Variants in ZSCAN5A observed in about 807,000 individuals in gnomAD.
ZSCAN5A encodes the protein zinc finger and SCAN domain-containing protein 5A.
A neutral mutation model predicts 23.7 loss-of-function variants in ZSCAN5A; 12 were observed. That is an observed-to-expected ratio of 0.51 (90% CI 0.32 to 0.82). The LOEUF (loss-of-function observed/expected upper bound fraction) is 0.82, where lower values mean the gene tolerates loss of function less well. Among genes scored for constraint, ZSCAN5A ranks in the 40% least tolerant of loss-of-function variants. The probability of loss-of-function intolerance (pLI) is 0.03; values close to 1 mark genes in which losing one functional copy is unlikely to be tolerated. For missense variants in ZSCAN5A, 597 were observed against 617.9 expected (o/e 0.97, Z 0.36); for synonymous variants, 257 against 239.9 (o/e 1.07, Z -0.66).
chr19:56,238,409 G>A (rs1044667344), intron 2 of ZSCAN5A, among the ~76,000 whole-genome samples: 3 of 152,110 alleles, frequency 2.0e-5, no homozygotes, highest in East Asian at 1.9e-4. Flanking sequence ...CCAAGGACAG[G>A]TAGAGGCCAG....
chr19:56,242,279 G>A (rs1317038323), intron 2 of ZSCAN5A, among the ~76,000 whole-genome samples: 12 of 152,178 alleles, frequency 7.9e-5, no homozygotes, highest in Admixed American at 2.0e-4. Context: ...TGTCCCTGAT[G>A]ATGAGTGATG....
chr19:56,246,877 T>G lies in ZSCAN5A; in HGVS notation c.-127-21704A>C, dbSNP rs59111246. 295 of 1,610,254 alleles carry G rather than the reference T, an allele frequency of 1.8e-4. 1 individual carries two copies. The highest frequency in any genetic ancestry group is 1.5e-3 in the African/African-American group (116 of 74,904). On this transcript the variant is annotated intron_variant, in intron 2 of 5. Coordinates refer to ENST00000683990, the MANE Select transcript of ZSCAN5A (RefSeq NM_001322064.3). ...CAGAGGAGACGCTCTGAATCTGAGA[T>G]GTCCCAAAAGAAGCAAACCAGACGC... is the stretch of plus-strand genomic sequence containing the variant.
chr19:56,267,636 G>C (rs968164679), intron 2 of ZSCAN5A, among the ~76,000 whole-genome samples: 1 of 152,172 alleles, frequency 6.6e-6, no homozygotes, highest in Non-Finnish European at 1.5e-5. Context: ...TACTGGACAG[G>C]GCTGGTTTAG....
chr19:56,344,930 A>G (rs1180429929), intron 2 of ZSCAN5A, among the ~76,000 whole-genome samples: 11 of 144,960 alleles, frequency 7.6e-5, no homozygotes, highest in South Asian at 2.3e-4. Context: ...AAAAAAAAAA[A>G]AAAAAGAAAA....
At chr19:56,344,620 AC>A (rs1460728265) in intron 2 of ZSCAN5A, among the ~76,000 whole-genome samples, 5 of 151,900 alleles carry the variant, frequency 3.3e-5, no homozygotes, top group South Asian at 4.2e-4. Flanking sequence ...AAAAAAAGAT[AC>A]GGCCGGGCGC....
chr19:56,329,297 C>A (rs1038686459), intron 2 of ZSCAN5A, among the ~76,000 whole-genome samples: 3 of 151,790 alleles, frequency 2.0e-5, no homozygotes, highest in African/African-American at 7.3e-5. Context: ...TGCAGTGAGC[C>A]GAGATCGTGT....
chr19:56,271,882 CA>C (rs532306961), intron 2 of ZSCAN5A, among the ~76,000 whole-genome samples: 56 of 152,316 alleles, frequency 3.7e-4, no homozygotes, highest in Non-Finnish European at 7.4e-4. Flanking sequence ...TTCCCACTGA[CA>C]GCTAAAGTTC....
chr19:56,357,674 AC>A (rs1250675424), intron 2 of ZSCAN5A, among the ~76,000 whole-genome samples: 1 of 148,458 alleles, frequency 6.7e-6, no homozygotes, highest in Non-Finnish European at 1.5e-5. Flanking sequence ...AAGTACACAG[AC>A]CAACGACACC....
chr19:56,364,856 G>C (rs2041755342), intron 1 of ZSCAN5A: 1 of 152,194 alleles, frequency 6.6e-6, no homozygotes, highest in Non-Finnish European at 1.5e-5. Context: ...CTGGCAAAAT[G>C]AATCTATGGG....
intron 2 of ZSCAN5A, among the ~76,000 whole-genome samples, chr19:56,264,870 C>T (rs1036762484): frequency 6.6e-6 from 1 of 152,168 alleles, no homozygotes; most frequent in Admixed American, 6.5e-5. Flanking sequence ...GCCTGTAATC[C>T]CAGCACTTTG....
intron 2 of ZSCAN5A, among the ~76,000 whole-genome samples, chr19:56,236,464 G>A (rs1202864892): frequency 5.1e-4 from 32 of 62,548 alleles, no homozygotes; most frequent in African/African-American, 1.8e-3. Context: ...TCTGATGGAC[G>A]GTGGGCCAAG....
intron 2 of ZSCAN5A, chr19:56,321,485 T>C: frequency 1.4e-6 from 1 of 698,816 alleles, no homozygotes; most frequent in South Asian, 1.6e-5. Context: ...TCCTGCCCTG[T>C]GAGGACATCC....
At position 56,229,199 on chromosome 19, in the gene ZSCAN5A, T is replaced by C. The variant is rs140017302; in HGVS notation, c.-127-4026A>G. ...CTAATCCATTCAAGTAGTGACTCATTCATTTTAATTTCAGAGGAAACCTTC... is the reference window on the plus strand; with the variant it reads ...CTAATCCATTCAAGTAGTGACTCATCCATTTTAATTTCAGAGGAAACCTTC... On this transcript the variant is annotated intron_variant, in intron 2 of 5. Transcript: ENST00000683990. 2.0e-3 allele frequency among the ~76,000 whole-genome samples: 306 copies of C among 152,314 alleles called. 1 individual carries two copies. Among genetic ancestry groups the C allele is most frequent in the African/African-American group, 7.0e-3 (289 of 41,566 alleles).
At chr19:56,353,573 C>A (rs547380568) in intron 2 of ZSCAN5A, among the ~76,000 whole-genome samples, 6 of 151,928 alleles carry the variant, frequency 3.9e-5, no homozygotes, top group East Asian at 3.9e-4. Context: ...GTCAGGAGAT[C>A]GAGACCATCC....
chr19:56,233,602 A>G (rs1403757877), intron 2 of ZSCAN5A, among the ~76,000 whole-genome samples: 2 of 138,298 alleles, frequency 1.4e-5, no homozygotes, highest in Admixed American at 7.6e-5. Context: ...ATACTTTTCT[A>G]TGAAATCACC....
intron 2 of ZSCAN5A, among the ~76,000 whole-genome samples, chr19:56,302,376 CCTT>C (rs1318877190): frequency 6.9e-6 from 1 of 145,784 alleles, no homozygotes; most frequent in Non-Finnish European, 1.5e-5. Flanking sequence ...CTTACTTCCT[CCTT>C]CTCTCTCCTC....
intron 2 of ZSCAN5A, among the ~76,000 whole-genome samples, chr19:56,346,915 G>C (rs1052110410): frequency 9.9e-5 from 15 of 152,064 alleles, no homozygotes; most frequent in African/African-American, 3.4e-4. Context: ...TTTTAGTAGA[G>C]ATGGGGTTTC....
At chr19:56,313,049 A>T (rs2041141052) in intron 2 of ZSCAN5A, among the ~76,000 whole-genome samples, 1 of 152,230 alleles carries the variant, frequency 6.6e-6, no homozygotes, top group Non-Finnish European at 1.5e-5. Context: ...GACTGAGTTG[A>T]TATGGCTGTG....
At chr19:56,308,633 C>A (rs532538109) in intron 2 of ZSCAN5A, among the ~76,000 whole-genome samples, 1 of 150,044 alleles carries the variant, frequency 6.7e-6, no homozygotes, top group African/African-American at 2.4e-5. Flanking sequence ...CATATTAAAT[C>A]ATTTCTGATT....
Sources: gnomAD v4.1 joint callset for allele counts (sites outside exome capture counted in the v4.1 genomes callset) on GRCh38, gnomAD v4.1.1 for gene constraint, MANE v1.5 for transcripts, NCBI Gene and HGNC (gene_info 2026-07-23, HGNC 2026-07-21) for gene names.